Variants in GRAMD1A observed in about 807,000 individuals in gnomAD.
The protein encoded by GRAMD1A is protein Aster-A.
Under a neutral mutation model 92.0 loss-of-function variants are expected in GRAMD1A, and 50 were observed. The ratio of observed to expected loss-of-function variants is 0.54; its 90% CI spans 0.43 to 0.69. GRAMD1A has a LOEUF of 0.69. GRAMD1A is among the 30% of genes least tolerant of loss of function. GRAMD1A has a pLI of 0.00. For missense variants in GRAMD1A, 819 were observed against 978.9 expected (o/e 0.84, Z 2.18); for synonymous variants, 405 against 403.6 (o/e 1.00, Z -0.04).
chr19:34,995,578 T>C (rs973460386), upstream of GRAMD1A, among the ~76,000 whole-genome samples: 35 of 131,714 alleles, frequency 2.7e-4, 1 homozygote, highest in African/African-American at 2.8e-4. Context: ...CGGGTTTTTT[T>C]TTTTTTTTTT....
In GRAMD1A at chr19:35,010,226, C is replaced by CG. The variant is rs747159346; in HGVS notation, c.429+36dup. On this transcript the variant is annotated intron_variant, in intron 5 of 19. Transcript: ENST00000317991. The stretch of plus-strand genomic sequence containing the variant: ...CCCGCAGCGGGGCAGGGTACAGGGG[C>CG]GGGGGCCCCCATGGCCAGGCCCCAC... 1.4e-5 allele frequency: 23 copies of CG among 1,589,004 alleles called. No individual in the cohort carries two copies. The African/African-American group carries it at 2.7e-4, about 19-fold the overall frequency.
chr19:35,013,330 T>TGAG lies in GRAMD1A; in HGVS notation c.684_686dup (p.Glu228dup). ...CAGAGCTGGGCCTCACCAGTGAGGATGAGGACTATGTCTCCCCCTTGCAGC... is the reference window on the plus strand; with the variant it reads ...CAGAGCTGGGCCTCACCAGTGAGGATGAGGAGGACTATGTCTCCCCCTTGCAGC... On this transcript the variant is annotated inframe_insertion, in exon 8 of 20. Coordinates refer to ENST00000317991, the MANE Select transcript of GRAMD1A (RefSeq NM_020895.5). The surrounding 1 kb of genome is among the most constrained non-coding windows in gnomAD (Gnocchi z 4.9). 6.4e-7 allele frequency: 1 copy of TGAG among 1,555,076 alleles called. No individual in the cohort carries two copies. Among genetic ancestry groups the TGAG allele is most frequent in the Non-Finnish European group, 8.7e-7 (1 of 1,148,236 alleles).
Position 35,023,502 on chromosome 19 carries a change from C to G in GRAMD1A, c.2037C>G (p.His679Gln), listed in dbSNP as rs1448664284. The change falls in exon 19 of 20, where the codon CAC becomes CAG. Residue 679 changes from histidine (H) to glutamine (Q), a missense_variant. This residue lies in a region of GRAMD1A where 577 missense variants were observed against 674.6 expected (regional missense o/e 0.86). Coordinates refer to ENST00000317991, the MANE Select transcript of GRAMD1A (RefSeq NM_020895.5). ...LQKQFHSVEV[H>Q]KWRQILRASV... ...AGCAATTCCACAGCGTGGAGGTGCA[C>G]AAGTGGAGGCAGATCCTGCGGGCCT... 5.1e-6 allele frequency: 8 copies of G among 1,583,402 alleles called. No individual in the cohort carries two copies. The highest frequency in any genetic ancestry group is 6.0e-6 in the Non-Finnish European group (7 of 1,166,800).
Position 35,013,615 on chromosome 19 carries a change from A to T in GRAMD1A, c.794A>T (p.Glu265Val), listed in dbSNP as rs748435155. 6.8e-6 allele frequency: 11 copies of T among 1,613,536 alleles called. No individual in the cohort carries two copies. Among genetic ancestry groups the T allele is most frequent in the Non-Finnish European group, 9.3e-6 (11 of 1,179,904 alleles). ...TSSGAADRSQ[E>V]PSPVGSRRGH... ...TCGGGGGCAGCTGACCGCAGCCAGG[A>T]GCCAAGCCCAGTGGGTTCGCGCCGT... The change falls in exon 9 of 20, where the codon GAG becomes GTG. Residue 265 changes from glutamate to valine, a missense_variant. Transcript: ENST00000317991. This position sits in a 1 kb window ranked among gnomAD's most constrained non-coding sequence, Gnocchi z 4.9.
In GRAMD1A at chr19:35,013,007, T is replaced by A. The variant is rs545650328; in HGVS notation, c.607-249T>A. 1.2e-4 allele frequency: 57 copies of A among 469,742 alleles called. No individual in the cohort carries two copies. In the East Asian group the frequency reaches 1.8e-3, roughly 15 times the overall value. 29.1% of individuals were successfully genotyped at this position (469,742 alleles called of 1,614,324 possible). On this transcript the variant is annotated intron_variant, in intron 7 of 19. Transcript: ENST00000317991. The surrounding 1 kb of genome is among the most constrained non-coding windows in gnomAD (Gnocchi z 4.9). The stretch of plus-strand genomic sequence containing the variant: ...CAAACAAAAAAAGATATAAAAAAAA[T>A]GGGAACATTCTCTGGCCAGAGTATT...
At chr19:35,016,888 G>T (rs2015673681) in intron 11 of GRAMD1A, among the ~76,000 whole-genome samples, 1 of 138,708 alleles carries the variant, frequency 7.2e-6, no homozygotes, top group Non-Finnish European at 1.5e-5. Context: ...CTGGGCGACA[G>T]AGCGAGACTC....
intron 6 of GRAMD1A, 26 bp from the exon 7 acceptor site, chr19:35,011,448 C>CT: frequency 7.0e-7 from 1 of 1,429,582 alleles, no homozygotes; most frequent in Non-Finnish European, 9.6e-7. Context: ...CCTGCTCACA[C>CT]CTCTCTCTCT....
Position 35,013,115 on chromosome 19 carries a change from G to T in GRAMD1A, c.607-141G>T. ...AGCAGGGGATTCCCCGCTTGCTGAGGCCAGGTCTGGTGCGGGAGATCGTGG... is the reference window on the plus strand; with the variant it reads ...AGCAGGGGATTCCCCGCTTGCTGAGTCCAGGTCTGGTGCGGGAGATCGTGG... On this transcript the variant is annotated intron_variant, in intron 7 of 19. Coordinates refer to ENST00000317991, the MANE Select transcript of GRAMD1A (RefSeq NM_020895.5). This position sits in a 1 kb window ranked among gnomAD's most constrained non-coding sequence, Gnocchi z 4.9. 3 of 601,262 alleles carry T rather than the reference G, an allele frequency of 5.0e-6. No homozygotes were observed. The highest frequency in any genetic ancestry group is 2.8e-5 in the East Asian group (1 of 36,162). The allele number at this position is 601,262 out of a possible 1,614,324, so 37.2% of individuals were successfully genotyped here.
chr19:34,996,091 T>A (rs2014024528), upstream of GRAMD1A: 16 of 1,536,034 alleles, frequency 1.0e-5, no homozygotes, highest in Non-Finnish European at 1.4e-5. Context: ...AGGGCTCGCC[T>A]GACCTCCCAG....
Position 35,013,644 on chromosome 19 carries a change from C to T in GRAMD1A, c.823C>T (p.His275Tyr). 1 of 1,613,414 alleles carries T rather than the reference C, an allele frequency of 6.2e-7. No individual in the cohort carries two copies. The highest frequency in any genetic ancestry group is 8.5e-7 in the Non-Finnish European group (1 of 1,179,848). ...AAGCCCAGTGGGTTCGCGCCGTGGC[C>T]ATGTCACGCCCAACCTTTCCCGAGC... ...EPSPVGSRRG[H>Y]VTPNLSRASS... Residue 275 changes from histidine to tyrosine, a missense_variant, in exon 9 of 20, where the codon CAT becomes TAT. This residue lies in a region of GRAMD1A where 577 missense variants were observed against 674.6 expected (regional missense o/e 0.86). Transcript: ENST00000317991. This position sits in a 1 kb window ranked among gnomAD's most constrained non-coding sequence, Gnocchi z 4.9.
intron 1 of GRAMD1A, among the ~76,000 whole-genome samples, chr19:35,008,530 A>T (rs1039635251): frequency 3.5e-4 from 53 of 152,000 alleles, no homozygotes; most frequent in African/African-American, 1.2e-3. Context: ...TCTCAAAAAA[A>T]ATTAAAGTAG....
upstream of GRAMD1A, among the ~76,000 whole-genome samples, chr19:34,997,166 G>T (rs185982419): frequency 8.6e-4 from 130 of 151,978 alleles, no homozygotes; most frequent in African/African-American, 3.1e-3. Flanking sequence ...CACCCTCCTC[G>T]GCCTCCCAAA....
intron 10 of GRAMD1A, 74 bp from the exon 11 acceptor site, chr19:35,015,750 A>C (rs1265524999): frequency 6.9e-6 from 10 of 1,445,672 alleles, no homozygotes; most frequent in Non-Finnish European, 9.4e-6. Flanking sequence ...AAGGCCTGGG[A>C]GTGGGGAGGC....
intron 1 of GRAMD1A, among the ~76,000 whole-genome samples, chr19:34,995,314 A>T (rs1320916524): frequency 6.6e-6 from 1 of 152,184 alleles, no homozygotes; most frequent in African/African-American, 2.4e-5. Flanking sequence ...CAGGCCTCCC[A>T]CAGATGAGAG....
upstream of GRAMD1A, among the ~76,000 whole-genome samples, chr19:34,997,961 A>G (rs1244463933): frequency 6.6e-6 from 1 of 151,470 alleles, no homozygotes; most frequent in African/African-American, 2.4e-5. Flanking sequence ...CCAGCTATTC[A>G]GGAAGTTGGG....
intron 1 of GRAMD1A, among the ~76,000 whole-genome samples, chr19:35,004,831 C>A (rs1003607901): frequency 3.9e-5 from 6 of 152,148 alleles, no homozygotes; most frequent in Non-Finnish European, 1.5e-5. Flanking sequence ...CAGGTGCCCT[C>A]CAGGTACTGG....
intron 19 of GRAMD1A, 94 bp downstream of exon 19, chr19:35,023,641 A>G (rs3761075): frequency 0.17 from 202,631 of 1,203,058 alleles, 19,170 homozygotes; most frequent in African/African-American, 0.37. Flanking sequence ...CCCTCTCCGG[A>G]TCTCAGTGTC....
chr19:34,994,748 G>A (rs905957551), upstream of GRAMD1A: 10 of 152,290 alleles, frequency 6.6e-5, no homozygotes, highest in African/African-American at 2.4e-4. Context: ...GACTCCTAGG[G>A]GAAAGGAAGT....
chr19:35,012,659 A>T (rs931526186), intron 7 of GRAMD1A, among the ~76,000 whole-genome samples: 3 of 152,198 alleles, frequency 2.0e-5, no homozygotes, highest in African/African-American at 7.2e-5. Flanking sequence ...GGGACTCCGT[A>T]TGCTCTGTAA....
Sources: gnomAD v4.1 joint callset for allele counts (sites outside exome capture counted in the v4.1 genomes callset) on GRCh38, gnomAD v4.1.1 for gene constraint, gnomAD v4.1.1 regional missense constraint, Gnocchi (gnomAD v3.1) non-coding constraint, MANE v1.5 for transcripts, NCBI Gene and HGNC (gene_info 2026-07-23, HGNC 2026-07-21) for gene names.